Variants in SIM2 observed in about 807,000 individuals in gnomAD.
SIM2 encodes the protein single-minded homolog 2.
SIM2 carries 28 observed loss-of-function variants against 64.8 expected under a neutral mutation model. The observed-to-expected ratio is 0.43, with a 90% CI of 0.32 to 0.59. The LOEUF (loss-of-function observed/expected upper bound fraction) is 0.59, where lower values mean the gene tolerates loss of function less well. SIM2 is among the 20% of genes least tolerant of loss of function. The probability of loss-of-function intolerance (pLI) is 0.07; values close to 1 mark genes in which losing one functional copy is unlikely to be tolerated. For synonymous variants in SIM2, 408 were observed against 391.1 expected, an observed-to-expected ratio of 1.04 and a Z score of -0.51; for missense variants, 847 against 871.4, an observed-to-expected ratio of 0.97 and a Z score of 0.35.
At chr21:36,738,351 A>G (rs1424968734) in intron 7 of SIM2, among the ~76,000 whole-genome samples, 4 of 152,064 alleles carry the variant, frequency 2.6e-5, no homozygotes, top group African/African-American at 9.7e-5. Context: ...CTAAACTACA[A>G]AAAATTAGCC....
intron 7 of SIM2, among the ~76,000 whole-genome samples, chr21:36,737,499 G>A (rs2089080913): frequency 6.6e-6 from 1 of 152,252 alleles, no homozygotes. Flanking sequence ...TCCATAGGTG[G>A]AGAAGGGATC....
At chr21:36,717,099 C>A (rs554307076) in intron 3 of SIM2, among the ~76,000 whole-genome samples, 1 of 152,184 alleles carries the variant, frequency 6.6e-6, no homozygotes. Context: ...GAAAACCAAG[C>A]CTTTCATCTG....
chr21:36,731,178 G>A (rs771231823), intron 7 of SIM2, 27 bp downstream of exon 7: 22 of 1,571,670 alleles, frequency 1.4e-5, no homozygotes, highest in Middle Eastern at 1.7e-4. Context: ...CCCCAGCCAC[G>A]GGAGGTAGCT....
intron 3 of SIM2, among the ~76,000 whole-genome samples, chr21:36,714,396 G>A (rs1026316031): frequency 2.0e-5 from 3 of 152,204 alleles, no homozygotes; most frequent in African/African-American, 7.2e-5. Context: ...AGCAAAAAGG[G>A]AAATGTATTC....
rs9980675 is a variant in SIM2, at chr21:36,703,029, A to G, written c.175+3108A>G. Among the ~76,000 whole-genome samples, 343 of 152,120 alleles carry G rather than the reference A, an allele frequency of 2.3e-3. 2 individuals are homozygous for G. Among genetic ancestry groups the G allele is most frequent in the South Asian group, 5.2e-3 (25 of 4,814 alleles). ...ATACCTGGGGAAATTAAGGCCAGAC[A>G]TGACACAGGCCTTTCCCAAGGCTCT... On this transcript the variant is annotated intron_variant, in intron 1 of 10. Coordinates refer to ENST00000290399, the MANE Select transcript of SIM2 (RefSeq NM_005069.6).
chr21:36,717,971 C>T (rs1395683351), intron 3 of SIM2, among the ~76,000 whole-genome samples: 4 of 152,062 alleles, frequency 2.6e-5, no homozygotes, highest in Non-Finnish European at 5.9e-5. Context: ...GGCGAATGTC[C>T]GTCTGGGAGA....
chr21:36,704,877 G>C (rs2088557493), intron 1 of SIM2, among the ~76,000 whole-genome samples: 1 of 152,222 alleles, frequency 6.6e-6, no homozygotes, highest in South Asian at 2.1e-4. Context: ...TTTGGAAAAA[G>C]GCGCAAGAAG....
intron 7 of SIM2, among the ~76,000 whole-genome samples, chr21:36,739,991 AG>A (rs1383853102): frequency 1.4e-5 from 2 of 139,756 alleles, no homozygotes; most frequent in Non-Finnish European, 3.0e-5. Context: ...GAGAAAGAAG[AG>A]AAGAAAGAAA....
At chr21:36,710,799 C>T (rs2088664422) in intron 2 of SIM2, among the ~76,000 whole-genome samples, 1 of 152,210 alleles carries the variant, frequency 6.6e-6, no homozygotes, top group East Asian at 1.9e-4. Context: ...CAACATAAAG[C>T]GCATGGTGTG....
intron 7 of SIM2, among the ~76,000 whole-genome samples, chr21:36,739,265 C>CT (rs1271961559): frequency 3.9e-5 from 6 of 152,074 alleles, no homozygotes; most frequent in African/African-American, 9.7e-5. Context: ...ACTGATTATC[C>CT]TTTTTTTATA....
At chr21:36,731,304 G>A (rs867898450) in intron 7 of SIM2, among the ~76,000 whole-genome samples, 153 bp downstream of exon 7, 7 of 152,062 alleles carry the variant, frequency 4.6e-5, no homozygotes, top group South Asian at 4.1e-4. Context: ...CCTCCACCCC[G>A]TGATTAAGTA....
At position 36,741,601 on chromosome 21, in the gene SIM2, G is replaced by A. The variant is rs77621239; in HGVS notation, c.851-116G>A. 1,328 of 1,205,180 alleles carry A rather than the reference G, an allele frequency of 1.1e-3. 9 individuals are homozygous for A. In the African/African-American group the frequency reaches 0.017, roughly 16 times the overall value. 74.7% of individuals were successfully genotyped at this position (1,205,180 alleles called of 1,614,324 possible). The stretch of plus-strand genomic sequence containing the variant: ...ATGCACCCTCCAGCGGAGAAAGCCC[G>A]CCCCCTTTGTCAAGTTCTCAGAGGT... On this transcript the variant is annotated intron_variant, in intron 7 of 10. Coordinates refer to ENST00000290399, the MANE Select transcript of SIM2 (RefSeq NM_005069.6).
chr21:36,738,565 G>A (rs2089107158), intron 7 of SIM2, among the ~76,000 whole-genome samples: 1 of 152,170 alleles, frequency 6.6e-6, no homozygotes, highest in Non-Finnish European at 1.5e-5. Flanking sequence ...TAGCTATAGA[G>A]AACTTTCCAG....
At chr21:36,735,404 T>C (rs6517379) in intron 7 of SIM2, among the ~76,000 whole-genome samples, 128,690 of 152,256 alleles carry the variant, frequency 0.85, 54,463 homozygotes, top group African/African-American at 0.87. Context: ...TTCCGAGCCC[T>C]GTCTGTCATC....
chr21:36,714,089 A>G lies in SIM2; in HGVS notation c.348+1467A>G, dbSNP rs138199078. Among the ~76,000 whole-genome samples, 487 of 152,372 alleles carry G rather than the reference A, an allele frequency of 3.2e-3. 2 individuals are homozygous for G. The highest frequency in any genetic ancestry group is 0.011 in the African/African-American group (461 of 41,592). On this transcript the variant is annotated intron_variant, in intron 3 of 10. Transcript: ENST00000290399. ...GGTCTTTCCATTACTTTTAATGGCA[A>G]TGACCGCAATTACCTTTGCACCAAC... is the stretch of plus-strand genomic sequence containing the variant.
chr21:36,716,632 A>G (rs2854044), intron 3 of SIM2, among the ~76,000 whole-genome samples: 119,886 of 152,128 alleles, frequency 0.79, 48,017 homozygotes, highest in African/African-American at 0.94. Flanking sequence ...AGAGTGCCAA[A>G]CAACTCTCCC....
At position 36,748,878 on chromosome 21, in the gene SIM2, C is replaced by T. The variant is rs1458611401; in HGVS notation, c.*786C>T. 6.6e-6 allele frequency: 1 copy of T among 152,522 alleles called. No individual in the cohort carries two copies. Among genetic ancestry groups the T allele is most frequent in the Non-Finnish European group, 1.5e-5 (1 of 68,038 alleles). The allele number at this position is 152,522 out of a possible 1,614,324, so 9.4% of individuals were successfully genotyped here. A position where few individuals can be genotyped will look rare whatever the true frequency, so the allele number is the denominator to read the frequency against. On this transcript the variant is annotated 3_prime_UTR_variant, in exon 11 of 11. Coordinates refer to ENST00000290399, the MANE Select transcript of SIM2 (RefSeq NM_005069.6). ...TAGCCAGACAGTTTATGAGAATGAC[C>T]CTGTCAAGCTTCATTATTACGTGGC...
At chr21:36,700,897 C>T (rs532066492) in intron 1 of SIM2, among the ~76,000 whole-genome samples, 2 of 152,368 alleles carry the variant, frequency 1.3e-5, no homozygotes, top group Non-Finnish European at 2.9e-5. Context: ...GCGGAAGACT[C>T]GGAACAGGAA....
intron 1 of SIM2, among the ~76,000 whole-genome samples, chr21:36,703,753 C>T (rs1692383314): frequency 6.6e-6 from 1 of 152,236 alleles, no homozygotes; most frequent in Non-Finnish European, 1.5e-5. Flanking sequence ...AGCCAGCCCT[C>T]CCCAAAGTGT....
Sources: gnomAD v4.1 joint callset for allele counts (sites outside exome capture counted in the v4.1 genomes callset) on GRCh38, gnomAD v4.1.1 for gene constraint, MANE v1.5 for transcripts, NCBI Gene and HGNC (gene_info 2026-07-23, HGNC 2026-07-21) for gene names.